ZC3H12B: variants seen among roughly 807,000 people sequenced by gnomAD.
ZC3H12B encodes zinc finger CCCH-type containing 12B.
Under a neutral mutation model 43.9 loss-of-function variants are expected in ZC3H12B, and 7 were observed. That is an observed-to-expected ratio of 0.16 (90% CI 0.09 to 0.30). The LOEUF is 0.30. Among genes scored for constraint, ZC3H12B ranks in the 10% least tolerant of loss-of-function variants. ZC3H12B has a pLI of 1.00. For synonymous variants in ZC3H12B, 222 were observed against 241.7 expected (o/e 0.92, Z 0.76); for missense variants, 475 against 670.2 (o/e 0.71, Z 3.22).
At chrX:65,115,107 A>G in the ZC3H12B span, among the ~76,000 whole-genome samples, 1 of 107,772 alleles carries the variant, frequency 9.3e-6, no homozygotes, top group African/African-American at 3.4e-5. Context: ...TGATTACATG[A>G]ATAAGTTCTT....
At chrX:65,403,241 G>A (rs1251591880) in intron 3 of ZC3H12B, among the ~76,000 whole-genome samples, 2 of 111,848 alleles carry the variant, frequency 1.8e-5, no homozygotes, top group African/African-American at 6.5e-5. Flanking sequence ...GAAAGAGTGA[G>A]CTTGACGACA....
At chrX:65,464,422 A>C (rs1426547196) in intron 3 of ZC3H12B, among the ~76,000 whole-genome samples, 1 of 105,031 alleles carries the variant, frequency 9.5e-6, no homozygotes, top group South Asian at 3.8e-4. Context: ...TATTCATACT[A>C]TAGCATTTCC....
intron 2 of ZC3H12B, among the ~76,000 whole-genome samples, chrX:65,379,255 G>A (rs2066398880): frequency 8.9e-6 from 1 of 111,830 alleles, no homozygotes. Flanking sequence ...CGCAGCTGGA[G>A]ATCCGAGAAA....
chrX:65,178,667 C>A, the ZC3H12B span, among the ~76,000 whole-genome samples: 1 of 112,362 alleles, frequency 8.9e-6, no homozygotes, highest in African/African-American at 3.2e-5. Context: ...GAAAAGCTCA[C>A]CAACACTAGT....
the ZC3H12B span, among the ~76,000 whole-genome samples, chrX:65,121,637 G>T: frequency 3.6e-5 from 4 of 111,063 alleles, no homozygotes; most frequent in African/African-American, 1.3e-4. Flanking sequence ...GGGTTTTTGT[G>T]TCTCTATTTC....
the ZC3H12B span, among the ~76,000 whole-genome samples, chrX:65,121,610 T>A: frequency 1.8e-5 from 2 of 111,598 alleles, no homozygotes; most frequent in African/African-American, 6.5e-5. Flanking sequence ...AGCTCCTGGA[T>A]TCATTGATTT....
At chrX:65,220,309 G>A in the ZC3H12B span, among the ~76,000 whole-genome samples, 1 of 111,383 alleles carries the variant, frequency 9.0e-6, no homozygotes, top group Non-Finnish European at 1.9e-5. Context: ...AACCCAAGGT[G>A]CTGAGACAGC....
chrX:65,448,902 A>C (rs2067420116), intron 3 of ZC3H12B, among the ~76,000 whole-genome samples: 1 of 104,183 alleles, frequency 9.6e-6, no homozygotes, highest in Admixed American at 1.1e-4. Context: ...AGAAAGAGAG[A>C]GAGAAAGAGA....
chrX:65,298,713 G>A, the ZC3H12B span, among the ~76,000 whole-genome samples: 1 of 111,863 alleles, frequency 8.9e-6, no homozygotes, highest in African/African-American at 3.3e-5. Flanking sequence ...GTTGACTGGT[G>A]TATTAGTCAG....
the ZC3H12B span, chrX:65,357,206 G>T: frequency 5.0e-6 from 2 of 396,598 alleles, no homozygotes; most frequent in East Asian, 5.5e-5. Flanking sequence ...TCCCTCTCAG[G>T]GTGAAATAGA....
the ZC3H12B span, among the ~76,000 whole-genome samples, chrX:65,109,096 C>T: frequency 9.0e-6 from 1 of 111,579 alleles, no homozygotes; most frequent in Non-Finnish European, 1.9e-5. Flanking sequence ...AAGCAACCTC[C>T]TTCAGTATAT....
At chrX:65,492,227 C>A (rs1322316095) in intron 1 of ZC3H12B, among the ~76,000 whole-genome samples, 3 of 111,898 alleles carry the variant, frequency 2.7e-5, no homozygotes, top group African/African-American at 9.8e-5. Flanking sequence ...GGGACTTTGG[C>A]TTCATGGTAA....
chrX:65,038,836 C>T, the ZC3H12B span, among the ~76,000 whole-genome samples: 1 of 111,188 alleles, frequency 9.0e-6, no homozygotes, highest in Non-Finnish European at 1.9e-5. Flanking sequence ...TATAATTTTC[C>T]TTAAATACGT....
At chrX:65,494,116 T>C (rs1347212898) in intron 1 of ZC3H12B, among the ~76,000 whole-genome samples, 1 of 112,129 alleles carries the variant, frequency 8.9e-6, no homozygotes, top group African/African-American at 3.2e-5. Flanking sequence ...TATCAGAATA[T>C]AAATATATCA....
At chrX:65,334,919 A>T in the ZC3H12B span, among the ~76,000 whole-genome samples, 2 of 111,807 alleles carry the variant, frequency 1.8e-5, no homozygotes, top group African/African-American at 6.5e-5. Flanking sequence ...CCCATCCCCC[A>T]TGGGAGTCTT....
At chrX:65,421,195 G>T (rs1456029273) in intron 3 of ZC3H12B, among the ~76,000 whole-genome samples, 2 of 112,467 alleles carry the variant, frequency 1.8e-5, no homozygotes, top group Non-Finnish European at 3.8e-5. Context: ...CAGACTGAGG[G>T]AAATAAATCT....
At chrX:65,469,565 T>A (rs1395820488) in intron 3 of ZC3H12B, 1 of 266,605 alleles carries the variant, frequency 3.8e-6, no homozygotes, top group African/African-American at 2.8e-5. Flanking sequence ...ATCTCGCCCA[T>A]TGATGACTTT....
intron 3 of ZC3H12B, among the ~76,000 whole-genome samples, chrX:65,442,993 G>A (rs1250976893): frequency 9.0e-6 from 1 of 110,647 alleles, no homozygotes; most frequent in Non-Finnish European, 1.9e-5. Context: ...AAAGATTTGG[G>A]GGGTCATTTT....
the ZC3H12B span, among the ~76,000 whole-genome samples, chrX:65,196,227 G>A: frequency 1.9e-5 from 2 of 108,061 alleles, no homozygotes; most frequent in Non-Finnish European, 3.8e-5. Flanking sequence ...CCTGCAGTTG[G>A]AGCCCCTCGT....
Sources: allele counts gnomAD v4.1 joint callset (sites outside exome capture counted in the v4.1 genomes callset), GRCh38; gene constraint gnomAD v4.1.1; transcripts MANE v1.5; gene names NCBI Gene and HGNC (gene_info 2026-07-23, HGNC 2026-07-21).